Variants in NCOA6 observed in about 807,000 individuals in gnomAD.
The protein encoded by NCOA6 is NRC RAP250.
A neutral mutation model predicts 171.4 loss-of-function variants in NCOA6; 49 were observed. The observed-to-expected ratio is 0.29, with a 90% CI of 0.23 to 0.36. The LOEUF (loss-of-function observed/expected upper bound fraction) is 0.36. Among genes scored for constraint, NCOA6 ranks in the 10% least tolerant of loss-of-function variants. The pLI is 1.00. For synonymous variants in NCOA6, 910 were observed against 927.5 expected, an observed-to-expected ratio of 0.98 and a Z score of 0.34; for missense variants, 2,248 against 2,554.5, an observed-to-expected ratio of 0.88 and a Z score of 2.59.
chr20:34,808,021 G>T (rs1225584041), intron 1 of NCOA6, among the ~76,000 whole-genome samples: 1 of 151,628 alleles, frequency 6.6e-6, no homozygotes, highest in Non-Finnish European at 1.5e-5. Flanking sequence ...GTGGTGGCAG[G>T]CGCCTGTAGT....
chr20:34,756,541 T>C (rs1179871090), intron 7 of NCOA6, among the ~76,000 whole-genome samples: 3 of 152,206 alleles, frequency 2.0e-5, no homozygotes, highest in Middle Eastern at 3.2e-3. Context: ...ATAATAAACA[T>C]GGAGATGGAT....
At chr20:34,822,632 ACT>A (rs2079041345) in intron 1 of NCOA6, among the ~76,000 whole-genome samples, 1 of 152,166 alleles carries the variant, frequency 6.6e-6, no homozygotes. Context: ...AAGTGAAGTG[ACT>A]CTGCCTTAAA....
chr20:34,759,494 T>A (rs902454047), intron 5 of NCOA6, among the ~76,000 whole-genome samples: 3 of 152,240 alleles, frequency 2.0e-5, no homozygotes, highest in Non-Finnish European at 4.4e-5. Flanking sequence ...TCTGTTCTTG[T>A]TTATTGACCT....
chr20:34,733,631 A>G (rs952155829), intron 12 of NCOA6, among the ~76,000 whole-genome samples: 1 of 152,088 alleles, frequency 6.6e-6, no homozygotes, highest in Non-Finnish European at 1.5e-5. Flanking sequence ...GTCATAACTC[A>G]ATGTTATTAG....
Position 34,743,264 on chromosome 20 carries a change from G to A in NCOA6, c.2992C>T (p.Pro998Ser). ...PQLMQHVAPPPQPPQQQPQPQ... is the reference protein window; with the variant it reads ...PQLMQHVAPPSQPPQQQPQPQ... The stretch of plus-strand genomic sequence containing the variant: ...TGTGGCTGCTGCTGTGGTGGCTGTG[G>A]TGGGGGTGCCACATGCTGCATGAGT... Residue 998 changes from proline (P) to serine (S), a missense_variant, in exon 11 of 15, where the codon CCA becomes TCA. Coordinates refer to ENST00000359003, the MANE Select transcript of NCOA6 (RefSeq NM_014071.5). 3 of 1,614,034 alleles carry A rather than the reference G, an allele frequency of 1.9e-6. No homozygotes were observed. Among genetic ancestry groups the A allele is most frequent in the Non-Finnish European group, 2.5e-6 (3 of 1,179,988 alleles).
Position 34,742,172 on chromosome 20 carries a change from C to T in NCOA6, c.4084G>A (p.Ala1362Thr), listed in dbSNP as rs763114561. 3.7e-6 allele frequency: 6 copies of T among 1,614,070 alleles called. No homozygotes were observed. The highest frequency in any genetic ancestry group is 1.6e-4 in the Middle Eastern group (1 of 6,084). ...PKLTLASQTN[A>T]ALLQNVELPR... is the part of the protein sequence containing the mutation. ...AACTCCACATTCTGCAATAGGGCTGCATTTGTCTGAGAGGCCAGAGTAAGT... is the reference window on the plus strand; with the variant it reads ...AACTCCACATTCTGCAATAGGGCTGTATTTGTCTGAGAGGCCAGAGTAAGT... Residue 1362 changes from alanine to threonine, a missense_variant, in exon 11 of 15, where the codon GCA becomes ACA. Transcript: ENST00000359003.
At chr20:34,752,914 CA>C (rs71196760) in intron 8 of NCOA6, among the ~76,000 whole-genome samples, 58,726 of 118,774 alleles carry the variant, frequency 0.49, 12,465 homozygotes, top group Admixed American at 0.63. Context: ...AACTCCATCT[CA>C]AAAAAAAAAA....
intron 1 of NCOA6, among the ~76,000 whole-genome samples, chr20:34,816,875 C>G (rs2078852961): frequency 6.6e-6 from 1 of 150,820 alleles, no homozygotes; most frequent in South Asian, 2.1e-4. Context: ...AATCCCAGCA[C>G]TTTGGGAGGC....
chr20:34,757,680 T>C lies in NCOA6; in HGVS notation c.1068A>G (p.Gln356=), dbSNP rs893470388. The change falls in exon 7 of 15, where the codon CAA becomes CAG. Residue 356 remains glutamine (Q), a synonymous_variant. Coordinates refer to ENST00000359003, the MANE Select transcript of NCOA6 (RefSeq NM_014071.5). Reference sequence around the variant, plus strand: ...TGGCTAAGGATGGTCTTGCCTGGAGTTGCTGTTGCATTGGGCCGGGCAAGG... The same window carrying C: ...TGGCTAAGGATGGTCTTGCCTGGAGCTGCTGTTGCATTGGGCCGGGCAAGG... ...KAPLPGPMQQ[Q]LQARPSLATV... 29 of 1,613,614 alleles carry C rather than the reference T, an allele frequency of 1.8e-5. No individual in the cohort carries two copies. Among genetic ancestry groups the C allele is most frequent in the Non-Finnish European group, 2.2e-5 (26 of 1,179,898 alleles).
intron 5 of NCOA6, among the ~76,000 whole-genome samples, chr20:34,764,388 C>T (rs1268801511): frequency 4.6e-5 from 7 of 152,104 alleles, no homozygotes; most frequent in Non-Finnish European, 7.4e-5. Context: ...CGCCCGGCTG[C>T]CCAGCTACGT....
intron 1 of NCOA6, among the ~76,000 whole-genome samples, chr20:34,815,579 A>C (rs1227256689): frequency 6.6e-6 from 1 of 152,122 alleles, no homozygotes; most frequent in Non-Finnish European, 1.5e-5. Flanking sequence ...AGGATGGAAA[A>C]GAGGTAATTT....
In NCOA6 at chr20:34,740,928, G is replaced by A. The variant is rs1407702287; in HGVS notation, c.5328C>T (p.Asn1776=). The change falls in exon 11 of 15, where the codon AAC becomes AAT. Residue 1776 remains asparagine (N), a synonymous_variant. Coordinates refer to ENST00000359003, the MANE Select transcript of NCOA6 (RefSeq NM_014071.5). The stretch of plus-strand genomic sequence containing the variant: ...GAAGAGTGTTCTGATCTGCTGAGGT[G>A]TTCACCTGAGGGCTAGCCTCATCTG... ...LNPDEASPQV[N]TSADQNTLPS... 6.2e-7 allele frequency: 1 copy of A among 1,614,068 alleles called. No homozygotes were observed.
At chr20:34,746,023 A>G (rs894353775) in intron 10 of NCOA6, among the ~76,000 whole-genome samples, 3 of 152,092 alleles carry the variant, frequency 2.0e-5, no homozygotes, top group South Asian at 2.1e-4. Context: ...TTTATTCTTT[A>G]TATCTTCTTT....
chr20:34,759,212 T>C (rs544204920), intron 5 of NCOA6, among the ~76,000 whole-genome samples: 1 of 151,938 alleles, frequency 6.6e-6, no homozygotes, highest in Non-Finnish European at 1.5e-5. Context: ...CAGCTAATCG[T>C]TCTATATTTT....
At chr20:34,739,112 C>T (rs1442981966) in intron 11 of NCOA6, among the ~76,000 whole-genome samples, 2 of 152,092 alleles carry the variant, frequency 1.3e-5, no homozygotes, top group African/African-American at 4.8e-5. Flanking sequence ...TGTAAGGACA[C>T]CTATGCTTCC....
At chr20:34,731,586 A>G (rs1261803810) in intron 13 of NCOA6, among the ~76,000 whole-genome samples, 2 of 152,246 alleles carry the variant, frequency 1.3e-5, no homozygotes, top group African/African-American at 4.8e-5. Context: ...GATGCATGGC[A>G]TGGAACAACA....
chr20:34,803,351 C>T (rs919138942), intron 1 of NCOA6, among the ~76,000 whole-genome samples: 1 of 151,660 alleles, frequency 6.6e-6, no homozygotes, highest in South Asian at 2.1e-4. Context: ...ACCTGTAATC[C>T]CAGCTGCTCG....
intron 13 of NCOA6, among the ~76,000 whole-genome samples, chr20:34,730,655 G>T (rs1309414942): frequency 2.6e-5 from 4 of 151,846 alleles, no homozygotes; most frequent in Non-Finnish European, 4.4e-5. Context: ...GATGAACAGG[G>T]GTGAAGTCTT....
intron 2 of NCOA6, among the ~76,000 whole-genome samples, chr20:34,784,414 T>C (rs1750231712): frequency 2.0e-5 from 3 of 151,934 alleles, no homozygotes. Context: ...TTTGCAGAGA[T>C]TGGATCTTGC....
Sources: gnomAD v4.1 joint callset for allele counts (sites outside exome capture counted in the v4.1 genomes callset) on GRCh38, gnomAD v4.1.1 for gene constraint, MANE v1.5 for transcripts, NCBI Gene and HGNC (gene_info 2026-07-23, HGNC 2026-07-21) for gene names.